Variants in BABAM2 observed in about 807,000 individuals in gnomAD.
BABAM2 encodes the protein BRISC and BRCA1 A complex member 2.
Under a neutral mutation model 54.7 loss-of-function variants are expected in BABAM2, and 31 were observed. The ratio of observed to expected loss-of-function variants is 0.57; its 90% CI spans 0.43 to 0.77. BABAM2 has a LOEUF of 0.77. Ranked by LOEUF, BABAM2 falls within the 30% of genes least tolerant of loss-of-function variation. The probability of loss-of-function intolerance (pLI) is 0.00; values close to 1 mark genes in which losing one functional copy is unlikely to be tolerated. For synonymous variants in BABAM2, 167 were observed against 162.9 expected (o/e 1.03, Z -0.19); for missense variants, 364 against 455.8 (o/e 0.80, Z 1.83).
intron 6 of BABAM2, among the ~76,000 whole-genome samples, chr2:28,092,854 G>A (rs188782315): frequency 6.6e-6 from 1 of 151,602 alleles, no homozygotes. Context: ...ACAGGGTCAA[G>A]ATCATAGGAT....
chr2:28,011,129 A>G (rs1674360752), intron 4 of BABAM2, among the ~76,000 whole-genome samples: 1 of 152,178 alleles, frequency 6.6e-6, no homozygotes, highest in African/African-American at 2.4e-5. Flanking sequence ...TCTCCCCCAC[A>G]AAATTTGGTT....
intron 3 of BABAM2, among the ~76,000 whole-genome samples, chr2:27,941,473 T>C (rs1668877209): frequency 6.6e-6 from 1 of 151,924 alleles, no homozygotes. Context: ...GGAGAATCAC[T>C]TGAACCTGGG....
intron 7 of BABAM2, among the ~76,000 whole-genome samples, chr2:28,146,031 G>A (rs1009279821): frequency 6.6e-6 from 1 of 152,144 alleles, no homozygotes; most frequent in Non-Finnish European, 1.5e-5. Context: ...GAATAATGTT[G>A]CTGTGAATAT....
At chr2:28,267,735 G>C (rs947472696) in intron 10 of BABAM2, among the ~76,000 whole-genome samples, 1 of 152,204 alleles carries the variant, frequency 6.6e-6, no homozygotes, top group Non-Finnish European at 1.5e-5. Flanking sequence ...TAGGGGTCAG[G>C]CCCAGAAGTG....
At chr2:28,311,117 C>T (rs764732198) in intron 11 of BABAM2, among the ~76,000 whole-genome samples, 2 of 151,534 alleles carry the variant, frequency 1.3e-5, no homozygotes, top group African/African-American at 2.4e-5. Context: ...AAAAATTAGC[C>T]GAGTGTGGTG....
intron 10 of BABAM2, among the ~76,000 whole-genome samples, chr2:28,250,584 C>CTTTTTTTT (rs34597279): frequency 5.6e-4 from 76 of 136,930 alleles, no homozygotes; most frequent in Middle Eastern, 3.5e-3. Context: ...ATATTTTTTT[C>CTTTTTTTT]TTTTTTTTTT....
intron 7 of BABAM2, among the ~76,000 whole-genome samples, chr2:28,207,413 T>A (rs1434862209): frequency 6.6e-6 from 1 of 151,434 alleles, no homozygotes; most frequent in Non-Finnish European, 1.5e-5. Context: ...ACAACAACAT[T>A]AGCTAGGAGT....
Position 28,072,391 on chromosome 2 carries a change from CT to C in BABAM2, c.570+26604del, listed in dbSNP as rs879868312. Among the ~76,000 whole-genome samples the C allele has an allele frequency of 2.2e-3, 305 of 137,304 alleles. 1 individual carries two copies. The highest frequency in any genetic ancestry group is 5.1e-3 in the African/African-American group (190 of 37,296). 90.1% of individuals were successfully genotyped at this position (137,304 alleles called of 152,430 possible). A position where few individuals can be genotyped will look rare whatever the true frequency, so the allele number is the denominator to read the frequency against. On this transcript the variant is annotated intron_variant, in intron 6 of 11. Transcript: ENST00000379624. ...TTTCACCATGTTGGCAGCCTGGATT[CT>C]TTTTTTTTTTTGAGGCGGAGTCTCG...
chr2:28,010,844 A>G (rs1483039845), intron 4 of BABAM2, among the ~76,000 whole-genome samples: 1 of 152,128 alleles, frequency 6.6e-6, no homozygotes, highest in African/African-American at 2.4e-5. Flanking sequence ...ACAGGTTCAC[A>G]AGTCTTTTCC....
intron 6 of BABAM2, among the ~76,000 whole-genome samples, chr2:28,069,157 C>T (rs143410564): frequency 3.3e-5 from 5 of 152,138 alleles, no homozygotes; most frequent in African/African-American, 9.7e-5. Flanking sequence ...TTTCTCCAGG[C>T]GTTTTTCTTA....
At chr2:28,158,975 G>C (rs1193444442) in intron 7 of BABAM2, among the ~76,000 whole-genome samples, 1 of 152,128 alleles carries the variant, frequency 6.6e-6, no homozygotes, top group African/African-American at 2.4e-5. Flanking sequence ...AATTTTACTG[G>C]TATGAAAAGC....
At chr2:28,002,233 T>C (rs1673628129) in intron 4 of BABAM2, among the ~76,000 whole-genome samples, 1 of 152,294 alleles carries the variant, frequency 6.6e-6, no homozygotes, top group Non-Finnish European at 1.5e-5. Flanking sequence ...CTAGTACTTC[T>C]AGGTGAACAT....
chr2:28,275,579 G>T (rs1685808094), intron 10 of BABAM2, among the ~76,000 whole-genome samples: 1 of 152,196 alleles, frequency 6.6e-6, no homozygotes, highest in Non-Finnish European at 1.5e-5. Context: ...AAGCTTAGTT[G>T]TGTGTCTAGA....
chr2:28,331,521 C>T (rs1040901909), intron 11 of BABAM2, among the ~76,000 whole-genome samples: 1 of 152,182 alleles, frequency 6.6e-6, no homozygotes, highest in African/African-American at 2.4e-5. Flanking sequence ...TGAACAGACA[C>T]TTCTCAAAAG....
At chr2:28,312,235 G>A (rs750837183) in intron 11 of BABAM2, among the ~76,000 whole-genome samples, 2 of 152,194 alleles carry the variant, frequency 1.3e-5, no homozygotes, top group Non-Finnish European at 2.9e-5. Flanking sequence ...CCTTGCTTCT[G>A]CAGAAACAAG....
chr2:27,963,655 C>T (rs936244497), intron 3 of BABAM2, among the ~76,000 whole-genome samples: 6 of 151,914 alleles, frequency 3.9e-5, no homozygotes, highest in African/African-American at 1.2e-4. Flanking sequence ...GCTGACATAG[C>T]AAATCATTTC....
At chr2:28,323,559 CTG>C (rs1690202884) in intron 11 of BABAM2, among the ~76,000 whole-genome samples, 1 of 152,184 alleles carries the variant, frequency 6.6e-6, no homozygotes, top group East Asian at 1.9e-4. Context: ...TGAGGCATCT[CTG>C]GGGTACAGAG....
intron 3 of BABAM2, among the ~76,000 whole-genome samples, chr2:27,942,864 G>A (rs528838203): frequency 1.3e-5 from 2 of 151,050 alleles, no homozygotes; most frequent in Admixed American, 1.3e-4. Context: ...CCAGCCTGGA[G>A]TGCATTATAG....
At chr2:28,007,658 G>A (rs554260214) in intron 4 of BABAM2, among the ~76,000 whole-genome samples, 1 of 152,104 alleles carries the variant, frequency 6.6e-6, no homozygotes, top group East Asian at 1.9e-4. Context: ...GTGCTATTTT[G>A]TATCCCTTAG....
Sources: allele counts gnomAD v4.1 joint callset (sites outside exome capture counted in the v4.1 genomes callset), GRCh38; gene constraint gnomAD v4.1.1; transcripts MANE v1.5; gene names NCBI Gene and HGNC (gene_info 2026-07-23, HGNC 2026-07-21).